COL21A1: variants seen among roughly 807,000 people sequenced by gnomAD.
COL21A1 encodes the protein collagen type XXI alpha 1 chain.
In COL21A1, 149 loss-of-function variants were observed where a neutral mutation model predicts 137.9. The observed-to-expected ratio is 1.08, with a 90% CI of 0.95 to 1.24. The LOEUF (loss-of-function observed/expected upper bound fraction) is 1.24. COL21A1 is among the 50% of genes most tolerant of loss of function. COL21A1 has a pLI of 0.00. For missense variants in COL21A1, 1,167 were observed against 1,158.4 expected (o/e 1.01, Z -0.11); for synonymous variants, 456 against 391.5 (o/e 1.16, Z -1.95).
At chr6:56,093,183 A>C (rs760692639) in intron 17 of COL21A1, among the ~76,000 whole-genome samples, 1 of 152,074 alleles carries the variant, frequency 6.6e-6, no homozygotes, top group Non-Finnish European at 1.5e-5. Context: ...GGGGATTAAG[A>C]GCTGATGTCT....
At chr6:56,213,066 G>GTA (rs1298958292) in intron 1 of COL21A1, among the ~76,000 whole-genome samples, 11 of 152,094 alleles carry the variant, frequency 7.2e-5, no homozygotes, top group Middle Eastern at 3.4e-3. Context: ...CTATTAAAAA[G>GTA]TAGAGGACTG....
intron 1 of COL21A1, among the ~76,000 whole-genome samples, chr6:56,352,752 T>C (rs1401140265): frequency 1.3e-5 from 2 of 152,016 alleles, no homozygotes; most frequent in Non-Finnish European, 2.9e-5. Flanking sequence ...ACAGAAAAGA[T>C]CTTCAGGCCA....
At chr6:56,133,403 G>T (rs1773726157) in intron 12 of COL21A1, among the ~76,000 whole-genome samples, 1 of 152,166 alleles carries the variant, frequency 6.6e-6, no homozygotes. Flanking sequence ...AAGGAGCAAG[G>T]CATTCAAGAG....
At chr6:56,158,794 C>A (rs1049086463) in intron 9 of COL21A1, among the ~76,000 whole-genome samples, 1 of 151,914 alleles carries the variant, frequency 6.6e-6, no homozygotes, top group Non-Finnish European at 1.5e-5. Context: ...CAGCTGCCCC[C>A]CAAGAGGCTT....
At chr6:56,152,664 T>A (rs982915751) in intron 10 of COL21A1, among the ~76,000 whole-genome samples, 1 of 151,826 alleles carries the variant, frequency 6.6e-6, no homozygotes, top group African/African-American at 2.4e-5. Flanking sequence ...CAGTGCTTCA[T>A]GCATGGGAAG....
intron 1 of COL21A1, among the ~76,000 whole-genome samples, chr6:56,365,399 A>T (rs1190384361): frequency 6.6e-6 from 1 of 152,202 alleles, no homozygotes; most frequent in Non-Finnish European, 1.5e-5. Context: ...CTTGATTCTA[A>T]GTTCAGCACT....
intron 1 of COL21A1, among the ~76,000 whole-genome samples, chr6:56,244,144 T>C (rs1186345183): frequency 1.3e-5 from 2 of 152,074 alleles, no homozygotes; most frequent in Non-Finnish European, 2.9e-5. Flanking sequence ...CATCAGAACA[T>C]TTCTAAGTGA....
intron 1 of COL21A1, among the ~76,000 whole-genome samples, chr6:56,308,825 C>A (rs1055187899): frequency 7.2e-5 from 11 of 152,136 alleles, no homozygotes; most frequent in Non-Finnish European, 1.2e-4. Flanking sequence ...CTAGTGGATA[C>A]TCAGTTGGAC....
Position 56,330,638 on chromosome 6 carries a change from T to C in COL21A1, c.-39+63333A>G, listed in dbSNP as rs1765198466. 2.6e-5 allele frequency among the ~76,000 whole-genome samples: 4 copies of C among 152,084 alleles called. No homozygotes were observed. In the South Asian group the frequency reaches 8.3e-4, roughly 31 times the overall value. ...AAACATTGTACCCAATAAGTAATAT[T>C]TCATCCCTCGCCTCTCTCCCACCCA... On this transcript the variant is annotated intron_variant, in intron 1 of 28. Coordinates refer to the COL21A1 transcript ENST00000370819.
chr6:56,235,524 C>G (rs1781844650), intron 1 of COL21A1, among the ~76,000 whole-genome samples: 1 of 151,952 alleles, frequency 6.6e-6, no homozygotes, highest in South Asian at 2.1e-4. Flanking sequence ...TAAAACTAAC[C>G]TGTACTTCTT....
intron 1 of COL21A1, among the ~76,000 whole-genome samples, chr6:56,202,052 C>T (rs1213052863): frequency 1.3e-5 from 2 of 151,872 alleles, no homozygotes; most frequent in African/African-American, 2.4e-5. Flanking sequence ...AAGGAAATCC[C>T]CTAAAACACT....
At chr6:56,329,204 T>C (rs1279067280) in intron 1 of COL21A1, among the ~76,000 whole-genome samples, 1 of 152,156 alleles carries the variant, frequency 6.6e-6, no homozygotes, top group Non-Finnish European at 1.5e-5. Flanking sequence ...ATGTGTCTAC[T>C]GCCATGTCAA....
At chr6:56,244,869 C>T (rs765331469) in intron 1 of COL21A1, among the ~76,000 whole-genome samples, 1 of 152,154 alleles carries the variant, frequency 6.6e-6, no homozygotes, top group Non-Finnish European at 1.5e-5. Flanking sequence ...TTCACTAGAT[C>T]TACTTGGTCC....
At chr6:56,090,112 G>A (rs1411082349) in intron 17 of COL21A1, among the ~76,000 whole-genome samples, 7 of 152,218 alleles carry the variant, frequency 4.6e-5, no homozygotes, top group Non-Finnish European at 7.4e-5. Context: ...GGTGGCACGC[G>A]CCTGTAGTCT....
intron 1 of COL21A1, among the ~76,000 whole-genome samples, chr6:56,384,027 C>A (rs1040939020): frequency 6.6e-6 from 1 of 152,230 alleles, no homozygotes; most frequent in Non-Finnish European, 1.5e-5. Flanking sequence ...CAATTCTTAG[C>A]CCCCTTCGCA....
intron 10 of COL21A1, among the ~76,000 whole-genome samples, chr6:56,142,386 G>A (rs1774482637): frequency 6.6e-6 from 1 of 152,100 alleles, no homozygotes; most frequent in African/African-American, 2.4e-5. Flanking sequence ...ATCTGAGTTA[G>A]TCCCTAGAAT....
chr6:56,077,792 C>T, intron 17 of COL21A1: 2 of 466,064 alleles, frequency 4.3e-6, no homozygotes, highest in Non-Finnish European at 3.8e-6. Context: ...TAAATAAAGG[C>T]TTTTTGAAAA....
intron 10 of COL21A1, among the ~76,000 whole-genome samples, chr6:56,153,964 G>T (rs144388053): frequency 6.6e-6 from 1 of 152,182 alleles, no homozygotes; most frequent in African/African-American, 2.4e-5. Context: ...GTCCCAACTG[G>T]CCACCTCCAA....
intron 16 of COL21A1, among the ~76,000 whole-genome samples, chr6:56,121,531 CAT>C (rs1237007608): frequency 8.7e-6 from 1 of 114,586 alleles, no homozygotes; most frequent in Non-Finnish European, 1.9e-5. Flanking sequence ...TATACATATA[CAT>C]ATATATGTAT....
Sources: allele counts gnomAD v4.1 joint callset (sites outside exome capture counted in the v4.1 genomes callset), GRCh38; gene constraint gnomAD v4.1.1; transcripts MANE v1.5; gene names NCBI Gene and HGNC (gene_info 2026-07-23, HGNC 2026-07-21).